TMEM117: variants seen among roughly 807,000 people sequenced by gnomAD.
TMEM117 encodes transmembrane protein 117.
A neutral mutation model predicts 52.4 loss-of-function variants in TMEM117; 27 were observed. The ratio of observed to expected loss-of-function variants is 0.51; its 90% confidence interval spans 0.38 to 0.71. TMEM117 has a LOEUF of 0.71. Among genes scored for constraint, TMEM117 ranks in the 30% least tolerant of loss-of-function variants. The pLI is 0.00. For synonymous variants in TMEM117, 215 were observed against 206.3 expected, an observed-to-expected ratio of 1.04 and a Z score of -0.36; for missense variants, 556 against 630.5, an observed-to-expected ratio of 0.88 and a Z score of 1.26.
At chr12:44,054,648 T>C (rs1947023611) in intron 3 of TMEM117, among the ~76,000 whole-genome samples, 1 of 152,316 alleles carries the variant, frequency 6.6e-6, no homozygotes, top group East Asian at 1.9e-4. Flanking sequence ...TTTTGCCTTA[T>C]TTGTTAGGTT....
At chr12:44,004,997 C>A (rs1384506217) in intron 3 of TMEM117, among the ~76,000 whole-genome samples, 1 of 152,134 alleles carries the variant, frequency 6.6e-6, no homozygotes, top group Non-Finnish European at 1.5e-5. Flanking sequence ...AAGTAGTAGA[C>A]AAAGCTTATT....
chr12:44,338,131 C>G (rs1454581113), intron 6 of TMEM117, among the ~76,000 whole-genome samples: 1 of 152,106 alleles, frequency 6.6e-6, no homozygotes, highest in Non-Finnish European at 1.5e-5. Flanking sequence ...CCTTGACCCT[C>G]TCCACAACTG....
At chr12:43,907,224 C>T (rs962302374) in intron 2 of TMEM117, among the ~76,000 whole-genome samples, 1 of 152,124 alleles carries the variant, frequency 6.6e-6, no homozygotes, top group African/African-American at 2.4e-5. Context: ...AGGCACCCCC[C>T]GGCAGGAGCA....
chr12:44,199,654 C>G (rs187201095), intron 4 of TMEM117, among the ~76,000 whole-genome samples: 170 of 152,210 alleles, frequency 1.1e-3, no homozygotes, highest in African/African-American at 3.9e-3. Flanking sequence ...ATACCAGGAT[C>G]TTTATTGAAG....
At chr12:44,180,198 G>A (rs1376217338) in intron 4 of TMEM117, among the ~76,000 whole-genome samples, 2 of 152,108 alleles carry the variant, frequency 1.3e-5, no homozygotes, top group Non-Finnish European at 2.9e-5. Flanking sequence ...GGTAGACAGT[G>A]TATCGCTGCT....
intron 3 of TMEM117, among the ~76,000 whole-genome samples, chr12:44,070,555 A>G (rs1947286312): frequency 6.6e-6 from 1 of 152,110 alleles, no homozygotes. Context: ...CAGGCTCTTC[A>G]TGTACATTTT....
intron 3 of TMEM117, among the ~76,000 whole-genome samples, chr12:44,117,849 T>G (rs575972266): frequency 3.2e-4 from 48 of 152,240 alleles, no homozygotes; most frequent in African/African-American, 1.1e-3. Context: ...AGTAAGGAGA[T>G]CCTACCAGTA....
At chr12:44,110,003 C>A (rs1277147220) in intron 3 of TMEM117, among the ~76,000 whole-genome samples, 1 of 93,030 alleles carries the variant, frequency 1.1e-5, no homozygotes, top group African/African-American at 5.6e-5. Context: ...ATTTGGCTCT[C>A]TGTTTGTCTG....
At chr12:43,976,979 AC>A (rs1945681125) in intron 3 of TMEM117, among the ~76,000 whole-genome samples, 1 of 151,700 alleles carries the variant, frequency 6.6e-6, no homozygotes, top group Admixed American at 6.6e-5. Flanking sequence ...TTACTAAGGA[AC>A]CCCCCACTAG....
intron 6 of TMEM117, among the ~76,000 whole-genome samples, chr12:44,327,966 C>T (rs545692195): frequency 1.3e-5 from 2 of 152,272 alleles, no homozygotes; most frequent in South Asian, 2.1e-4. Context: ...CTTAAACATC[C>T]AGACCCAGGC....
intron 2 of TMEM117, among the ~76,000 whole-genome samples, chr12:43,908,803 TA>T (rs1385223384): frequency 6.6e-6 from 1 of 151,188 alleles, no homozygotes; most frequent in Non-Finnish European, 1.5e-5. Flanking sequence ...CTAACTATCC[TA>T]AATATATATG....
intron 3 of TMEM117, among the ~76,000 whole-genome samples, chr12:44,132,400 A>C (rs928556003): frequency 6.6e-6 from 1 of 152,142 alleles, no homozygotes; most frequent in East Asian, 1.9e-4. Context: ...TCCAGGTTTC[A>C]TTGCATCAGG....
chr12:44,225,812 G>A (rs530167744), intron 5 of TMEM117, among the ~76,000 whole-genome samples: 100 of 152,194 alleles, frequency 6.6e-4, no homozygotes, highest in African/African-American at 2.1e-3. Flanking sequence ...TAACAAATTT[G>A]TGTCCACAGT....
chr12:44,306,812 A>C (rs1456673460), intron 6 of TMEM117, among the ~76,000 whole-genome samples: 1 of 152,210 alleles, frequency 6.6e-6, no homozygotes, highest in African/African-American at 2.4e-5. Flanking sequence ...ATAATATTAC[A>C]TTTGGTCATT....
At chr12:44,397,217 AC>A in the TMEM117 span, among the ~76,000 whole-genome samples, 1 of 152,184 alleles carries the variant, frequency 6.6e-6, no homozygotes, top group Non-Finnish European at 1.5e-5. Flanking sequence ...AATTTCTGAA[AC>A]AAGAGTGCAA....
At chr12:43,798,921 T>C in the TMEM117 span, among the ~76,000 whole-genome samples, 4 of 152,112 alleles carry the variant, frequency 2.6e-5, no homozygotes, top group Admixed American at 1.3e-4. Context: ...CTGAAATTTA[T>C]TGACTCTAAT....
chr12:44,352,109 G>GTAAT (rs1951570531), intron 6 of TMEM117, among the ~76,000 whole-genome samples: 1 of 151,660 alleles, frequency 6.6e-6, no homozygotes, highest in South Asian at 2.1e-4. Context: ...TATATGCATG[G>GTAAT]TAAGTAAAAG....
At chr12:44,026,985 T>A (rs993828928) in intron 3 of TMEM117, among the ~76,000 whole-genome samples, 13 of 151,734 alleles carry the variant, frequency 8.6e-5, no homozygotes, top group Non-Finnish European at 1.8e-4. Context: ...TAATGATTGT[T>A]CTATCAACTG....
the TMEM117 span, chr12:43,797,052 C>T: frequency 2.5e-5 from 41 of 1,610,752 alleles, no homozygotes; most frequent in Admixed American, 1.3e-4. Flanking sequence ...ATACAGCATC[C>T]GCTCTCTTAT....
Sources: gnomAD v4.1 joint callset for allele counts (sites outside exome capture counted in the v4.1 genomes callset) on GRCh38, gnomAD v4.1.1 for gene constraint, MANE v1.5 for transcripts, NCBI Gene and HGNC (gene_info 2026-07-23, HGNC 2026-07-21) for gene names.